ANK1: variants seen among roughly 807,000 people sequenced by gnomAD.
ANK1 encodes the protein ankyrin-1.
In ANK1, 51 loss-of-function variants were observed where a neutral mutation model predicts 210.4. The ratio of observed to expected loss-of-function variants is 0.24; its 90% CI spans 0.19 to 0.31. The LOEUF is 0.31. Ranked by LOEUF, ANK1 falls within the 10% of genes least tolerant of loss-of-function variation. The pLI, the probability that ANK1 is intolerant of heterozygous loss-of-function variation, is 1.00. For synonymous variants in ANK1, 967 were observed against 1,025.9 expected (o/e 0.94, Z 1.10); for missense variants, 2,051 against 2,504.4 (o/e 0.82, Z 3.86).
chr8:41,692,971 C>T, intron 30 of ANK1, 95 bp from the exon 31 acceptor site: 1 of 1,514,248 alleles, frequency 6.6e-7, no homozygotes, highest in African/African-American at 1.4e-5. Flanking sequence ...ACCATGGCTA[C>T]TATTGCCACA....
At chr8:41,690,883 T>C (rs1259356132) in intron 31 of ANK1, among the ~76,000 whole-genome samples, 1 of 152,190 alleles carries the variant, frequency 6.6e-6, no homozygotes. Flanking sequence ...AAAACTTCAC[T>C]TGAATATCAT....
rs369513771 is a variant in ANK1 at position 41,725,409 on chromosome 8, C to T, written c.612+352G>A. ...TCTCCACACCCCAGCCCCTGCACGC[C>T]TCCTCCCTCCACTACGGGGCAGCCG... is the stretch of plus-strand genomic sequence containing the variant. On this transcript the variant is annotated intron_variant, in intron 6 of 42. Transcript: ENST00000289734. Among the ~76,000 whole-genome samples the T allele has an allele frequency of 1.5e-4, 23 of 152,250 alleles. No homozygotes were observed. The East Asian group carries it at 4.5e-3, about 29-fold the overall frequency.
chr8:41,665,963 G>C (rs1028600463), intron 39 of ANK1: 1 of 152,274 alleles, frequency 6.6e-6, no homozygotes. Flanking sequence ...AAATGTAGCC[G>C]CAGCAGCTGC....
chr8:41,665,219 C>G lies in ANK1; in HGVS notation c.5395-1477G>C, dbSNP rs1156815342. 2.0e-6 allele frequency: 3 copies of G among 1,524,072 alleles called. No individual in the cohort carries two copies. The African/African-American group carries it at 4.1e-5, about 21-fold the overall frequency. The allele number at this position is 1,524,072 out of a possible 1,614,324, so 94.4% of individuals were successfully genotyped here. ...GCAGGACACCGAATGGCCCTCTCGG[C>G]TGAAGCAGCCCGGCCCAAGTGCCCT... is the stretch of plus-strand genomic sequence containing the variant. On this transcript the variant is annotated intron_variant, in intron 39 of 42. Coordinates refer to ENST00000289734, the MANE Select transcript of ANK1 (RefSeq NM_000037.4).
chr8:41,814,680 G>T (rs564603844), intron 1 of ANK1, among the ~76,000 whole-genome samples: 4 of 151,546 alleles, frequency 2.6e-5, no homozygotes, highest in Non-Finnish European at 5.9e-5. Flanking sequence ...CACCTGACAA[G>T]CTATTTATTT....
At chr8:41,893,486 AC>A (rs969596060) in intron 1 of ANK1, among the ~76,000 whole-genome samples, 3 of 151,674 alleles carry the variant, frequency 2.0e-5, no homozygotes, top group Non-Finnish European at 4.4e-5. Flanking sequence ...AGCCTCCTCC[AC>A]CCCCCGCACA....
intron 1 of ANK1, among the ~76,000 whole-genome samples, chr8:41,819,647 G>C (rs963442338): frequency 6.6e-6 from 1 of 152,128 alleles, no homozygotes; most frequent in Non-Finnish European, 1.5e-5. Context: ...CTTAAGAACT[G>C]GGACCTCTGA....
intron 1 of ANK1, among the ~76,000 whole-genome samples, chr8:41,820,146 T>C (rs926229016): frequency 6.7e-6 from 1 of 149,690 alleles, no homozygotes; most frequent in Admixed American, 6.7e-5. Context: ...ACACGTTTTC[T>C]AATTTAAATT....
intron 42 of ANK1, among the ~76,000 whole-genome samples, chr8:41,658,455 G>A (rs977777753): frequency 7.9e-5 from 12 of 152,224 alleles, no homozygotes; most frequent in African/African-American, 2.9e-4. Flanking sequence ...CCTCCCTTGA[G>A]GAGACTGAAG....
chr8:41,758,638 G>C (rs938650400), intron 1 of ANK1, among the ~76,000 whole-genome samples: 1 of 150,938 alleles, frequency 6.6e-6, no homozygotes, highest in African/African-American at 2.4e-5. Flanking sequence ...CACCGTGCCT[G>C]GCCCCCTTTT....
At chr8:41,877,937 AC>A (rs1252590628) in intron 1 of ANK1, among the ~76,000 whole-genome samples, 1 of 152,124 alleles carries the variant, frequency 6.6e-6, no homozygotes, top group Non-Finnish European at 1.5e-5. Context: ...GTGAGGGAGG[AC>A]AGGGACAGGA....
intron 1 of ANK1, among the ~76,000 whole-genome samples, chr8:41,861,170 C>T (rs952464931): frequency 1.3e-5 from 2 of 152,114 alleles, no homozygotes; most frequent in African/African-American, 4.8e-5. Context: ...GAATTAACTC[C>T]GGACAAGGAG....
intron 1 of ANK1, among the ~76,000 whole-genome samples, chr8:41,863,420 A>T (rs1254711843): frequency 6.6e-6 from 1 of 152,202 alleles, no homozygotes; most frequent in African/African-American, 2.4e-5. Context: ...GAGAAATTAG[A>T]AGGCACATTC....
rs1586156254 is a variant in ANK1 at position 41,694,157 on chromosome 8, G to A, written c.3328-55C>T. On this transcript the variant is annotated intron_variant, in intron 28 of 42. Coordinates refer to ENST00000289734, the MANE Select transcript of ANK1 (RefSeq NM_000037.4). This position sits in a 1 kb window ranked among gnomAD's most constrained non-coding sequence, Gnocchi z 5.7. ...GCCCAAGCAGGAGAGGGGCTAATCA[G>A]ACGGGAGGCAGCTCCATGCCTGGTG... is the stretch of plus-strand genomic sequence containing the variant. 6.4e-7 allele frequency: 1 copy of A among 1,557,994 alleles called. No individual in the cohort carries two copies. Among genetic ancestry groups the A allele is most frequent in the Non-Finnish European group, 8.8e-7 (1 of 1,140,288 alleles).
At chr8:41,667,718 G>A (rs977083671) in intron 39 of ANK1, among the ~76,000 whole-genome samples, 1 of 152,140 alleles carries the variant, frequency 6.6e-6, no homozygotes, top group African/African-American at 2.4e-5. Flanking sequence ...CTCTATCCCA[G>A]GGCCCCTCTT....
chr8:41,677,178 A>G (rs551970536), intron 37 of ANK1, among the ~76,000 whole-genome samples: 24 of 152,264 alleles, frequency 1.6e-4, no homozygotes, highest in African/African-American at 5.8e-4. Flanking sequence ...GAATCTGTAG[A>G]TATTCTATAG....
rs184665931 is a variant in ANK1, at chr8:41,661,481, T to C, written c.5628A>G (p.Lys1876=). 36 of 1,613,986 alleles carry C rather than the reference T, an allele frequency of 2.2e-5. No individual in the cohort carries two copies. In the East Asian group the frequency reaches 2.5e-4, roughly 11 times the overall value. Residue 1876 remains lysine (K), a synonymous_variant, in exon 42 of 43, where the codon AAA becomes AAG. Coordinates refer to ENST00000289734, the MANE Select transcript of ANK1 (RefSeq NM_000037.4). ...GAQIVKRASL[K]RGKQ is the part of the protein sequence containing the mutation. ...CGGCTCGGGGTCACTGTTTCCCCCT[T>C]TTCAGGCTGGCCCGCTTCACTATCT...
intron 1 of ANK1, among the ~76,000 whole-genome samples, chr8:41,804,232 A>C (rs984569246): frequency 6.6e-6 from 1 of 152,096 alleles, no homozygotes; most frequent in African/African-American, 2.4e-5. Context: ...TCCTCACCTC[A>C]TGGACCTCCC....
At chr8:41,756,894 A>C (rs1586736074) in intron 2 of ANK1, among the ~76,000 whole-genome samples, 1 of 152,252 alleles carries the variant, frequency 6.6e-6, no homozygotes, top group Non-Finnish European at 1.5e-5. Flanking sequence ...TAAAGTACAG[A>C]GGAACCATGA....
Sources: gnomAD v4.1 joint callset for allele counts (sites outside exome capture counted in the v4.1 genomes callset) on GRCh38, gnomAD v4.1.1 for gene constraint, Gnocchi (gnomAD v3.1) non-coding constraint, MANE v1.5 for transcripts, NCBI Gene and HGNC (gene_info 2026-07-23, HGNC 2026-07-21) for gene names.